KANSL1: variants seen among roughly 807,000 people sequenced by gnomAD.
KANSL1 encodes MLL1/MLL complex subunit KANSL1.
In KANSL1, 22 loss-of-function variants were observed where a neutral mutation model predicts 103.6. The observed-to-expected ratio is 0.21, with a 90% CI of 0.15 to 0.30. KANSL1 has a LOEUF of 0.30. Ranked by LOEUF, KANSL1 falls within the 10% of genes least tolerant of loss-of-function variation. The probability of loss-of-function intolerance (pLI) is 1.00; values close to 1 mark genes in which losing one functional copy is unlikely to be tolerated. For synonymous variants in KANSL1, 600 were observed against 527.6 expected, an observed-to-expected ratio of 1.14 and a Z score of -1.88; for missense variants, 1,337 against 1,399.8, an observed-to-expected ratio of 0.96 and a Z score of 0.72.
At chr17:46,186,258 C>CTG (rs1296869461) in intron 1 of KANSL1, among the ~76,000 whole-genome samples, 1 of 151,876 alleles carries the variant, frequency 6.6e-6, no homozygotes, top group East Asian at 1.9e-4. Context: ...TGGCGGGCAC[C>CTG]TGTAGTTCCA....
chr17:46,035,979 G>C (rs897532771), intron 10 of KANSL1: 3 of 150,092 alleles, frequency 2.0e-5, no homozygotes, highest in African/African-American at 7.4e-5. Flanking sequence ...AATAAAACTG[G>C]TTCCCAAACT....
At position 46,171,461 on chromosome 17, in the gene KANSL1, G is replaced by C. The variant is rs188477102; in HGVS notation, c.683C>G (p.Thr228Ser). 19 of 1,614,108 alleles carry C rather than the reference G, an allele frequency of 1.2e-5. No individual in the cohort carries two copies. Among genetic ancestry groups the C allele is most frequent in the Non-Finnish European group, 1.5e-5 (18 of 1,180,024 alleles). The change falls in exon 2 of 15, where the codon ACT becomes AGT. Residue 228 changes from threonine (T) to serine (S), a missense_variant. This residue lies in a region of KANSL1 where 557 missense variants were observed against 476.4 expected (regional missense o/e 1.17). Transcript: ENST00000432791. Reference protein sequence around the residue: ...EHTTLYSNNSTANKSSVNSME... With the variant: ...EHTTLYSNNSSANKSSVNSME... ...GGAATTGACAGAGGATTTGTTTGCA[G>C]TGCTATTATTGCTATACAAAGTTGT...
intron 2 of KANSL1, among the ~76,000 whole-genome samples, chr17:46,124,668 G>A (rs1487794266): frequency 1.3e-5 from 2 of 152,136 alleles, no homozygotes; most frequent in South Asian, 4.1e-4. Flanking sequence ...ATGATTCATG[G>A]GAGGAGTTCA....
chr17:46,211,567 C>T (rs1350797728), intron 1 of KANSL1, among the ~76,000 whole-genome samples: 1 of 152,152 alleles, frequency 6.6e-6, no homozygotes, highest in Non-Finnish European at 1.5e-5. Flanking sequence ...GTAGTTATAA[C>T]TAAAATGCAG....
At chr17:46,126,210 G>A (rs2043549399) in intron 2 of KANSL1, among the ~76,000 whole-genome samples, 2 of 152,188 alleles carry the variant, frequency 1.3e-5, no homozygotes, top group South Asian at 4.1e-4. Flanking sequence ...GGGAGGCCGA[G>A]TCAGGCGGAT....
chr17:46,083,767 A>T (rs958010749), intron 3 of KANSL1, among the ~76,000 whole-genome samples: 5 of 152,124 alleles, frequency 3.3e-5, no homozygotes, highest in African/African-American at 1.2e-4. Flanking sequence ...GAAAAACACT[A>T]GACTTGATTA....
chr17:46,176,076 G>A (rs1432326569), intron 1 of KANSL1, among the ~76,000 whole-genome samples: 1 of 152,202 alleles, frequency 6.6e-6, no homozygotes, highest in East Asian at 1.9e-4. Context: ...TATGAGCAAT[G>A]CAAGGAGGCA....
chr17:46,162,261 A>G (rs1168613076), intron 2 of KANSL1, among the ~76,000 whole-genome samples: 3 of 152,244 alleles, frequency 2.0e-5, no homozygotes, highest in African/African-American at 7.2e-5. Context: ...CCAGCTTGCA[A>G]AATAATCTAG....
chr17:46,085,484 T>C (rs1288457072), intron 3 of KANSL1, among the ~76,000 whole-genome samples: 8 of 152,184 alleles, frequency 5.3e-5, no homozygotes, highest in Non-Finnish European at 1.0e-4. Context: ...TTTCACTTAT[T>C]ATTGCCTCAG....
intron 1 of KANSL1, among the ~76,000 whole-genome samples, chr17:46,217,324 A>G (rs988555971): frequency 3.9e-5 from 6 of 151,922 alleles, no homozygotes; most frequent in Admixed American, 2.6e-4. Flanking sequence ...AAAAATGTAA[A>G]AATTAGCTAG....
chr17:46,193,132 CCGGGAGGGCGGG>C lies in KANSL1; in HGVS notation c.-411_-400del, dbSNP rs1460003806. The C allele has an allele frequency of 2.0e-5, 3 of 151,272 alleles. No homozygotes were observed. Among genetic ancestry groups the C allele is most frequent in the Non-Finnish European group, 3.0e-5 (2 of 67,720 alleles). 9.4% of individuals were successfully genotyped at this position (151,272 alleles called of 1,614,324 possible). On this transcript the variant is annotated 5_prime_UTR_variant, in exon 1 of 15. Transcript: ENST00000432791. ...AGCACGGCTGGAGACCGCAGCCCGG[CCGGGAGGGCGGG>C]CGGGCGGGGGCAGAGAGTGAAACCG...
intron 7 of KANSL1, chr17:46,049,698 G>A (rs1243681881): frequency 1.3e-5 from 2 of 152,154 alleles, no homozygotes; most frequent in African/African-American, 4.8e-5. Flanking sequence ...TCAAGTGGGA[G>A]AGGTACAGGT....
At chr17:46,196,678 C>T (rs563105348), upstream of KANSL1, 870 of 276,576 alleles carry the variant, frequency 3.1e-3, 10 homozygotes, top group South Asian at 0.018. Flanking sequence ...TTGCTTAAGC[C>T]AATTTGAGTT....
chr17:46,100,013 G>T, intron 2 of KANSL1, among the ~76,000 whole-genome samples: 1 of 152,262 alleles, frequency 6.6e-6, no homozygotes, highest in East Asian at 1.9e-4. Flanking sequence ...GTTTACATAA[G>T]AAATATTTGT....
chr17:46,211,871 A>G (rs190004179), intron 1 of KANSL1, among the ~76,000 whole-genome samples: 10 of 152,370 alleles, frequency 6.6e-5, no homozygotes, highest in Non-Finnish European at 1.2e-4. Context: ...ATGTAGGTAT[A>G]TTAGGTCCAT....
intron 7 of KANSL1, among the ~76,000 whole-genome samples, chr17:46,046,929 G>C (rs2077534133): frequency 6.6e-6 from 1 of 150,684 alleles, no homozygotes; most frequent in Non-Finnish European, 1.5e-5. Context: ...TATACAAATA[G>C]TAACTGCAGT....
At position 46,124,890 on chromosome 17, in the gene KANSL1, G is replaced by A. The variant is rs116929931; in HGVS notation, c.1290-30189C>T. ...AAGTTAAGTTGACTCTGACTCTCAT[G>A]GATAACTGAGAGGTTCAAGACACAG... On this transcript the variant is annotated intron_variant, in intron 2 of 14. Transcript: ENST00000432791. Among the ~76,000 whole-genome samples the A allele has an allele frequency of 6.2e-3, 947 of 151,838 alleles. 6 individuals carry two copies. The highest frequency in any genetic ancestry group is 7.8e-3 in the Non-Finnish European group (531 of 67,964).
intron 7 of KANSL1, chr17:46,045,440 A>AAAAAAAAAAAATATAT (rs950085495): frequency 4.8e-5 from 7 of 144,860 alleles, no homozygotes; most frequent in African/African-American, 1.5e-4. Context: ...TACATGTAAA[A>AAAAAAAAAAAATATAT]ATATATATAT....
intron 2 of KANSL1, among the ~76,000 whole-genome samples, chr17:46,105,150 C>T (rs2042478429): frequency 6.6e-6 from 1 of 152,152 alleles, no homozygotes. Context: ...TGTTATGTTT[C>T]AAGAATAAAG....
Sources: gnomAD v4.1 joint callset for allele counts (sites outside exome capture counted in the v4.1 genomes callset) on GRCh38, gnomAD v4.1.1 for gene constraint, gnomAD v4.1.1 regional missense constraint, MANE v1.5 for transcripts, NCBI Gene and HGNC (gene_info 2026-07-23, HGNC 2026-07-21) for gene names.